The following CFDP1 variants were observed in gnomAD, a reference collection of about 807,000 sequenced individuals.
The protein encoded by CFDP1 is heterochromatin-stabilizing protein CFDP1.
A neutral mutation model predicts 40.1 loss-of-function variants in CFDP1; 31 were observed. The observed-to-expected ratio is 0.77, with a 90% CI of 0.58 to 1.04. The LOEUF (loss-of-function observed/expected upper bound fraction) is 1.04. Ranked by LOEUF, CFDP1 falls within the 50% of genes least tolerant of loss-of-function variation. CFDP1 has a pLI of 0.00. For synonymous variants in CFDP1, 167 were observed against 120.0 expected (o/e 1.39, Z -2.56); for missense variants, 423 against 343.4 (o/e 1.23, Z -1.83).
At chr16:75,319,270 T>C (rs1364097032) in intron 5 of CFDP1, among the ~76,000 whole-genome samples, 4 of 151,910 alleles carry the variant, frequency 2.6e-5, no homozygotes, top group African/African-American at 9.7e-5. Flanking sequence ...TCTTGATCTC[T>C]TGACCTTATA....
At chr16:75,427,193 C>T (rs1597409746) in intron 1 of CFDP1, among the ~76,000 whole-genome samples, 1 of 151,944 alleles carries the variant, frequency 6.6e-6, no homozygotes, top group Non-Finnish European at 1.5e-5. Context: ...CAAACAGGAA[C>T]ATGAAAAGAG....
chr16:75,405,535 G>C (rs941531475), intron 4 of CFDP1, among the ~76,000 whole-genome samples: 2 of 151,828 alleles, frequency 1.3e-5, no homozygotes, highest in Non-Finnish European at 2.9e-5. Context: ...ATCATATGAG[G>C]TCAGGAGTTC....
rs565171485 is a variant in CFDP1, at chr16:75,433,373, G to C, written c.-21C>G. Reference sequence around the variant, plus strand: ...TCCATGTTGCTGCCGCTCGACGCTGGTCAAACTCACAAGACCGCAGCAGCC... The same window carrying C: ...TCCATGTTGCTGCCGCTCGACGCTGCTCAAACTCACAAGACCGCAGCAGCC... On this transcript the variant is annotated 5_prime_UTR_variant, in exon 1 of 7. Coordinates refer to ENST00000283882, the MANE Select transcript of CFDP1 (RefSeq NM_006324.3). 1.8e-5 allele frequency: 29 copies of C among 1,579,724 alleles called. 1 individual carries two copies. The South Asian group carries it at 3.3e-4, about 18-fold the overall frequency.
At chr16:75,295,625 T>C (rs552123724) in intron 6 of CFDP1, among the ~76,000 whole-genome samples, 45 of 152,300 alleles carry the variant, frequency 3.0e-4, no homozygotes, top group African/African-American at 1.1e-3. Flanking sequence ...CTGGCTCAGG[T>C]ACTAAGCTGC....
At chr16:75,382,320 GA>G (rs1337680498) in intron 5 of CFDP1, among the ~76,000 whole-genome samples, 1 of 152,122 alleles carries the variant, frequency 6.6e-6, no homozygotes, top group Non-Finnish European at 1.5e-5. Flanking sequence ...AGTATCCCTC[GA>G]AAACACTGAT....
At chr16:75,385,322 G>C (rs1167832472) in intron 5 of CFDP1, among the ~76,000 whole-genome samples, 1 of 152,042 alleles carries the variant, frequency 6.6e-6, no homozygotes, top group African/African-American at 2.4e-5. Context: ...ACAGCTATCA[G>C]CTTCTAGGGA....
intron 1 of CFDP1, among the ~76,000 whole-genome samples, chr16:75,419,485 G>A (rs1193009668): frequency 6.6e-6 from 1 of 152,154 alleles, no homozygotes; most frequent in Admixed American, 6.6e-5. Context: ...GTTTAGGCAA[G>A]GGTTATTAAG....
chr16:75,402,208 T>C (rs536274731), intron 4 of CFDP1, among the ~76,000 whole-genome samples: 1 of 152,318 alleles, frequency 6.6e-6, no homozygotes, highest in African/African-American at 2.4e-5. Context: ...AGACCACCTC[T>C]AACGCACAAG....
intron 5 of CFDP1, among the ~76,000 whole-genome samples, chr16:75,381,561 C>T (rs1321580416): frequency 4.6e-5 from 7 of 152,080 alleles, no homozygotes; most frequent in African/African-American, 9.7e-5. Flanking sequence ...CCTCTACCAA[C>T]GACAGGCAGT....
chr16:75,308,221 C>T (rs1263035205), intron 5 of CFDP1, among the ~76,000 whole-genome samples: 1 of 152,186 alleles, frequency 6.6e-6, no homozygotes, highest in Non-Finnish European at 1.5e-5. Flanking sequence ...AGCCTCCTAC[C>T]CTCACAAGGT....
chr16:75,391,598 A>C (rs913424114), intron 5 of CFDP1: 2 of 152,244 alleles, frequency 1.3e-5, no homozygotes, highest in African/African-American at 4.8e-5. Context: ...ACCTTTTTAC[A>C]TACCTATTTT....
chr16:75,331,396 C>T (rs556039553), intron 5 of CFDP1, among the ~76,000 whole-genome samples: 29 of 152,126 alleles, frequency 1.9e-4, no homozygotes, highest in Admixed American at 3.9e-4. Context: ...GGATTACAGG[C>T]GTAAACCACT....
chr16:75,384,793 G>A (rs1434520408), intron 5 of CFDP1, among the ~76,000 whole-genome samples: 2 of 127,014 alleles, frequency 1.6e-5, no homozygotes, highest in East Asian at 2.3e-4. Context: ...TATTGAACCT[G>A]GAGAGATGCC....
At chr16:75,330,519 G>C (rs962200838) in intron 5 of CFDP1, among the ~76,000 whole-genome samples, 12 of 152,176 alleles carry the variant, frequency 7.9e-5, no homozygotes, top group Admixed American at 6.5e-5. Flanking sequence ...AACCCCAAAG[G>C]TGCAGGTTGC....
intron 5 of CFDP1, among the ~76,000 whole-genome samples, chr16:75,350,512 G>A (rs148268643): frequency 5.3e-5 from 8 of 152,204 alleles, no homozygotes; most frequent in Admixed American, 5.2e-4. Flanking sequence ...TTTAAATTAA[G>A]TATTGTTATT....
intron 4 of CFDP1, among the ~76,000 whole-genome samples, chr16:75,398,530 C>G (rs59010236): frequency 1.3e-5 from 2 of 151,946 alleles, no homozygotes; most frequent in East Asian, 1.9e-4. Context: ...CAGCTTCCAC[C>G]TGGCATGCTT....
intron 4 of CFDP1, 56 bp downstream of exon 4, chr16:75,411,769 A>G (rs79326000): frequency 1.3e-6 from 2 of 1,527,430 alleles, no homozygotes; most frequent in African/African-American, 1.4e-5. Flanking sequence ...CACCAGTTAG[A>G]GAGAGACGCT....
At chr16:75,318,428 T>C (rs1434144187) in intron 5 of CFDP1, among the ~76,000 whole-genome samples, 1 of 144,680 alleles carries the variant, frequency 6.9e-6, no homozygotes, top group Non-Finnish European at 1.5e-5. Context: ...TTTTTTGAGA[T>C]GAAGTCTCAC....
chr16:75,343,828 A>G (rs956970237), intron 5 of CFDP1, among the ~76,000 whole-genome samples: 1 of 152,204 alleles, frequency 6.6e-6, no homozygotes, highest in Non-Finnish European at 1.5e-5. Flanking sequence ...AAGGCAAAGA[A>G]AAGGAAATAA....
Sources: gnomAD v4.1 joint callset for allele counts (sites outside exome capture counted in the v4.1 genomes callset) on GRCh38, gnomAD v4.1.1 for gene constraint, MANE v1.5 for transcripts, NCBI Gene and HGNC (gene_info 2026-07-23, HGNC 2026-07-21) for gene names.